KHDRBS2: variants seen among roughly 807,000 people sequenced by gnomAD.
The protein encoded by KHDRBS2 is KH domain-containing, RNA-binding, signal transduction-associated protein 2.
Under a neutral mutation model 44.3 loss-of-function variants are expected in KHDRBS2, and 26 were observed. That is an observed-to-expected ratio of 0.59 (90% CI 0.43 to 0.81). The LOEUF is 0.81. KHDRBS2 is among the 40% of genes least tolerant of loss of function. The pLI is 0.00. For synonymous variants in KHDRBS2, 194 were observed against 151.1 expected (o/e 1.28, Z -2.08); for missense variants, 476 against 433.1 (o/e 1.10, Z -0.88).
the KHDRBS2 span, among the ~76,000 whole-genome samples, chr6:61,606,445 A>G: frequency 6.6e-6 from 1 of 152,180 alleles, no homozygotes; most frequent in Admixed American, 6.6e-5. Context: ...GAAAATTAAA[A>G]CTGACAAAAG....
chr6:62,254,084 T>C (rs1836983991), intron 1 of KHDRBS2, among the ~76,000 whole-genome samples: 1 of 152,024 alleles, frequency 6.6e-6, no homozygotes, highest in Non-Finnish European at 1.5e-5. Flanking sequence ...AGCAGTAAAG[T>C]AGGAACAGTG....
chr6:61,658,818 T>C, the KHDRBS2 span, among the ~76,000 whole-genome samples: 1 of 151,924 alleles, frequency 6.6e-6, no homozygotes, highest in Admixed American at 6.6e-5. Context: ...CTTTTGCATA[T>C]AGGCACAGAT....
At chr6:62,241,280 G>A (rs1040732349) in intron 1 of KHDRBS2, among the ~76,000 whole-genome samples, 4 of 152,110 alleles carry the variant, frequency 2.6e-5, no homozygotes, top group Non-Finnish European at 4.4e-5. Flanking sequence ...TAAGGATGCA[G>A]AATAAGGTGC....
chr6:62,213,586 G>A (rs1461420514), intron 1 of KHDRBS2, among the ~76,000 whole-genome samples: 1 of 152,094 alleles, frequency 6.6e-6, no homozygotes, highest in Non-Finnish European at 1.5e-5. Context: ...TCATATTTCA[G>A]AGATGAATCA....
At chr6:61,964,696 T>C (rs1769514603) in intron 4 of KHDRBS2, among the ~76,000 whole-genome samples, 1 of 152,110 alleles carries the variant, frequency 6.6e-6, no homozygotes, top group African/African-American at 2.4e-5. Context: ...TCTAAAAAAA[T>C]AAATTGAGGA....
intron 1 of KHDRBS2, among the ~76,000 whole-genome samples, chr6:62,190,788 C>G (rs781074919): frequency 4.6e-5 from 7 of 152,132 alleles, no homozygotes; most frequent in Non-Finnish European, 8.8e-5. Flanking sequence ...ACAACAAAAC[C>G]AGAAATCTCA....
intron 6 of KHDRBS2, among the ~76,000 whole-genome samples, chr6:61,771,366 G>T (rs868464843): frequency 2.0e-5 from 3 of 152,120 alleles, no homozygotes. Context: ...TGGGCTAAAT[G>T]CTCCAATTAA....
At chr6:61,977,195 T>C (rs1772852349) in intron 4 of KHDRBS2, among the ~76,000 whole-genome samples, 1 of 152,150 alleles carries the variant, frequency 6.6e-6, no homozygotes, top group Non-Finnish European at 1.5e-5. Context: ...CTGCAGTTTC[T>C]TCATTGTGCA....
At chr6:62,192,453 T>A (rs867048542) in intron 1 of KHDRBS2, among the ~76,000 whole-genome samples, 51 of 152,230 alleles carry the variant, frequency 3.4e-4, no homozygotes, top group African/African-American at 1.2e-3. Flanking sequence ...TTTTTCCTGA[T>A]CCTACTTCTA....
chr6:61,884,697 T>C (rs1416293167), intron 6 of KHDRBS2, among the ~76,000 whole-genome samples: 1 of 152,102 alleles, frequency 6.6e-6, no homozygotes, highest in Non-Finnish European at 1.5e-5. Flanking sequence ...ACTGTTACAC[T>C]ATGTAACCTT....
rs557488875 is a variant in KHDRBS2 at position 61,817,289 on chromosome 6, C to T, written c.810+77346G>A. ...TCACCACTTTATGATTTTCTTGTGT[C>T]CACGTAGGAGCCCAGAACTATCCCA... On this transcript the variant is annotated intron_variant, in intron 6 of 8. Coordinates refer to ENST00000281156, the MANE Select transcript of KHDRBS2 (RefSeq NM_152688.4). Among the ~76,000 whole-genome samples the T allele has an allele frequency of 2.6e-5, 4 of 152,134 alleles. No individual in the cohort carries two copies. The South Asian group carries it at 8.3e-4, about 32-fold the overall frequency.
At chr6:61,682,541 C>T (rs1370570159) in intron 8 of KHDRBS2, among the ~76,000 whole-genome samples, 1 of 151,902 alleles carries the variant, frequency 6.6e-6, no homozygotes, top group Non-Finnish European at 1.5e-5. Context: ...TTTACTGGAA[C>T]ACAGGCATGC....
intron 6 of KHDRBS2, among the ~76,000 whole-genome samples, chr6:61,891,672 C>A (rs1165629990): frequency 2.6e-5 from 4 of 152,108 alleles, no homozygotes; most frequent in Admixed American, 2.0e-4. Context: ...TCAATAGTTG[C>A]AGAAAAGGCC....
At chr6:62,104,213 A>C (rs1274205915) in intron 2 of KHDRBS2, among the ~76,000 whole-genome samples, 2 of 152,234 alleles carry the variant, frequency 1.3e-5, no homozygotes, top group African/African-American at 4.8e-5. Flanking sequence ...CACTCTATTC[A>C]AAAACAGCAT....
chr6:61,930,532 A>AAAAAAAAAAAAAAAAC (rs1562462241), intron 4 of KHDRBS2, among the ~76,000 whole-genome samples: 1 of 31,348 alleles, frequency 3.2e-5, no homozygotes, highest in Non-Finnish European at 7.7e-5. Flanking sequence ...CTAAAAAAAA[A>AAAAAAAAAAAAAAAAC]AAAAAAAAAA....
chr6:61,574,295 G>A, the KHDRBS2 span: 21 of 1,463,750 alleles, frequency 1.4e-5, no homozygotes, highest in Non-Finnish European at 1.8e-5. Context: ...AAGGTAGCAT[G>A]ATCACTTGTT....
intron 2 of KHDRBS2, among the ~76,000 whole-genome samples, chr6:62,100,848 C>G (rs1177630643): frequency 4.6e-5 from 7 of 152,056 alleles, no homozygotes; most frequent in Non-Finnish European, 1.0e-4. Flanking sequence ...GGTCTGTAAC[C>G]AAGCCCATAA....
At chr6:62,102,676 G>A (rs1200987972) in intron 2 of KHDRBS2, among the ~76,000 whole-genome samples, 5 of 152,144 alleles carry the variant, frequency 3.3e-5, no homozygotes, top group African/African-American at 1.2e-4. Context: ...TGGGGTGGCT[G>A]CCAGGCACCA....
chr6:61,572,236 C>T, the KHDRBS2 span, among the ~76,000 whole-genome samples: 1 of 152,170 alleles, frequency 6.6e-6, no homozygotes, highest in African/African-American at 2.4e-5. Flanking sequence ...AGATAAATTC[C>T]TGGAAATATC....
Sources: gnomAD v4.1 joint callset for allele counts (sites outside exome capture counted in the v4.1 genomes callset) on GRCh38, gnomAD v4.1.1 for gene constraint, MANE v1.5 for transcripts, NCBI Gene and HGNC (gene_info 2026-07-23, HGNC 2026-07-21) for gene names.